The following ERGIC1 variants were observed in gnomAD, a reference collection of about 807,000 sequenced individuals.
ERGIC1 encodes endoplasmic reticulum-golgi intermediate compartment 1, also known as endoplasmic reticulum-Golgi intermediate compartment protein 1.
ERGIC1 carries 19 observed loss-of-function variants against 38.3 expected under a neutral mutation model. The observed-to-expected ratio is 0.50, with a 90% CI of 0.35 to 0.73. The LOEUF is 0.73. ERGIC1 is among the 30% of genes least tolerant of loss of function. ERGIC1 has a pLI of 0.01. For missense variants in ERGIC1, 294 were observed against 389.2 expected (o/e 0.76, Z 2.06); for synonymous variants, 124 against 157.6 (o/e 0.79, Z 1.60).
At chr5:172,903,201 A>C (rs1762929364) in intron 3 of ERGIC1, among the ~76,000 whole-genome samples, 1 of 152,152 alleles carries the variant, frequency 6.6e-6, no homozygotes, top group South Asian at 2.1e-4. Context: ...TTGTGAGCAC[A>C]CGCTCTGTGC....
At position 172,887,607 on chromosome 5, in the gene ERGIC1, A is replaced by G. The variant is rs141122686; in HGVS notation, c.21-1092A>G. Among the ~76,000 whole-genome samples the G allele has an allele frequency of 9.8e-5, 15 of 152,312 alleles. No homozygotes were observed. The East Asian group carries it at 2.5e-3, about 25-fold the overall frequency. On this transcript the variant is annotated intron_variant, in intron 1 of 9. Transcript: ENST00000393784. ...CTGATTCCAGGGTCTTAACTCTTAA[A>G]TAGCTGAAGCAGAGCCAGAATTAAA...
chr5:172,943,938 A>C (rs1310027962), intron 9 of ERGIC1, among the ~76,000 whole-genome samples: 1 of 152,192 alleles, frequency 6.6e-6, no homozygotes. Flanking sequence ...AGGGAAACAC[A>C]CACGCACCCC....
At chr5:172,925,189 TATC>T (rs1389629231) in intron 6 of ERGIC1, among the ~76,000 whole-genome samples, 2 of 151,866 alleles carry the variant, frequency 1.3e-5, no homozygotes, top group Non-Finnish European at 2.9e-5. Context: ...AGTGAGCTGG[TATC>T]ATGCCACTGC....
chr5:172,848,456 T>C (rs926704637), intron 1 of ERGIC1, among the ~76,000 whole-genome samples: 4 of 152,212 alleles, frequency 2.6e-5, no homozygotes, highest in Admixed American at 1.3e-4. Flanking sequence ...GACTGCCTCT[T>C]CAACCTAACT....
chr5:172,854,392 A>G (rs1413709212), intron 1 of ERGIC1, among the ~76,000 whole-genome samples: 1 of 152,234 alleles, frequency 6.6e-6, no homozygotes, highest in Non-Finnish European at 1.5e-5. Flanking sequence ...AACAACAAAA[A>G]AAGAAACTAC....
At chr5:172,895,614 G>T (rs1015179142) in intron 2 of ERGIC1, among the ~76,000 whole-genome samples, 9 of 152,100 alleles carry the variant, frequency 5.9e-5, no homozygotes, top group African/African-American at 1.7e-4. Context: ...CCGATAAAAT[G>T]TGGGACATGT....
intron 1 of ERGIC1, among the ~76,000 whole-genome samples, chr5:172,870,769 C>A (rs1374932641): frequency 6.6e-6 from 1 of 152,192 alleles, no homozygotes; most frequent in Non-Finnish European, 1.5e-5. Flanking sequence ...TTCCTCCCCG[C>A]CTGCCTGCCT....
chr5:172,946,219 C>G lies in ERGIC1; in HGVS notation c.766-4490C>G, dbSNP rs1023344096. Among the ~76,000 whole-genome samples, 9 of 152,328 alleles carry G rather than the reference C, an allele frequency of 5.9e-5. 1 individual carries two copies. The highest frequency in any genetic ancestry group is 2.2e-4 in the African/African-American group (9 of 41,580). ...TGGACTCCCCTGGAGAGGCCCAGCTCTCCTCGCTCCTCTGTGTGAACAGCA... is the reference window on the plus strand; with the variant it reads ...TGGACTCCCCTGGAGAGGCCCAGCTGTCCTCGCTCCTCTGTGTGAACAGCA... On this transcript the variant is annotated intron_variant, in intron 9 of 9. Coordinates refer to ENST00000393784, the MANE Select transcript of ERGIC1 (RefSeq NM_001031711.3).
At chr5:172,843,669 C>T (rs899751733) in intron 1 of ERGIC1, among the ~76,000 whole-genome samples, 1 of 152,186 alleles carries the variant, frequency 6.6e-6, no homozygotes, top group African/African-American at 2.4e-5. Context: ...GAATGGTCTT[C>T]GCCCTTGCAA....
Position 172,888,755 on chromosome 5 carries a change from C to T in ERGIC1, c.77C>T (p.Ala26Val). The T allele has an allele frequency of 6.2e-7, 1 of 1,614,072 alleles. No individual in the cohort carries two copies. Among genetic ancestry groups the T allele is most frequent in the Non-Finnish European group, 8.5e-7 (1 of 1,179,948 alleles). ...CTTACGCAGCCAACGTACACCGGGG[C>T]CATTAGTGAGTAGCCAACCTCTGGC... ...KDLTQPTYTG[A>V]IISICCCLFI... Residue 26 changes from alanine (A) to valine (V), a missense_variant, in exon 2 of 10, where the codon GCC becomes GTC. By Grantham distance (64) the Ala-to-Val change is moderately conservative. Around this residue, in one of 3 missense-constraint regions of ERGIC1, gnomAD observed 163 missense variants for 225.8 expected, o/e 0.72. Transcript: ENST00000393784.
chr5:172,857,577 C>T (rs1018404153), intron 1 of ERGIC1, among the ~76,000 whole-genome samples: 4 of 142,178 alleles, frequency 2.8e-5, no homozygotes, highest in Non-Finnish European at 6.2e-5. Flanking sequence ...TAACAATGGG[C>T]TAATAATGGT....
intron 9 of ERGIC1, among the ~76,000 whole-genome samples, chr5:172,948,609 C>T (rs900403808): frequency 6.6e-6 from 1 of 152,220 alleles, no homozygotes; most frequent in African/African-American, 2.4e-5. Context: ...CCTCTCTGTA[C>T]CCCATGGGTA....
At chr5:172,849,882 A>G (rs2113027411) in intron 1 of ERGIC1, among the ~76,000 whole-genome samples, 1 of 152,344 alleles carries the variant, frequency 6.6e-6, no homozygotes, top group South Asian at 2.1e-4. Context: ...AGTAGAAGTA[A>G]AAACATTCAC....
intron 1 of ERGIC1, among the ~76,000 whole-genome samples, chr5:172,843,133 GA>G (rs888381069): frequency 6.6e-5 from 10 of 152,196 alleles, no homozygotes; most frequent in Admixed American, 6.5e-5. Context: ...GTGACAGAGT[GA>G]AACTCCGTCT....
At position 172,835,358 on chromosome 5, in the gene ERGIC1, C is replaced by T. The variant is rs571898442; in HGVS notation, c.20+925C>T. Reference sequence around the variant, plus strand: ...GGGCAAAGGCTCTGGGTTCAGAACTCCCTGTCGCCGCTCGGCTGGCTGACC... The same window carrying T: ...GGGCAAAGGCTCTGGGTTCAGAACTTCCTGTCGCCGCTCGGCTGGCTGACC... On this transcript the variant is annotated intron_variant, in intron 1 of 9. Transcript: ENST00000393784. Among the ~76,000 whole-genome samples, 5 of 152,314 alleles carry T rather than the reference C, an allele frequency of 3.3e-5. No individual in the cohort carries two copies. In the South Asian group the frequency reaches 1.0e-3, roughly 32 times the overall value.
intron 4 of ERGIC1, among the ~76,000 whole-genome samples, chr5:172,911,942 C>G (rs566540791): frequency 1.2e-4 from 19 of 152,100 alleles, no homozygotes; most frequent in Non-Finnish European, 2.2e-4. Flanking sequence ...GGTGGGGCCC[C>G]CGTTCCCTAC....
intron 1 of ERGIC1, among the ~76,000 whole-genome samples, chr5:172,864,290 T>TTTTTG (rs1761794976): frequency 1.1e-5 from 1 of 91,558 alleles, no homozygotes; most frequent in African/African-American, 3.4e-5. Flanking sequence ...TTTTTTTTTT[T>TTTTTG]GGAGTCTTGC....
intron 1 of ERGIC1, among the ~76,000 whole-genome samples, chr5:172,861,754 C>T (rs1237962389): frequency 1.3e-5 from 2 of 152,162 alleles, no homozygotes; most frequent in African/African-American, 4.8e-5. Flanking sequence ...TATTTTTTGA[C>T]ATTGCCAGGA....
intron 1 of ERGIC1, among the ~76,000 whole-genome samples, chr5:172,865,636 C>G (rs1261304261): frequency 2.0e-5 from 3 of 152,150 alleles, no homozygotes; most frequent in African/African-American, 7.2e-5. Context: ...ACCCCCACCA[C>G]GGGGTGACCT....
Sources: allele counts gnomAD v4.1 joint callset (sites outside exome capture counted in the v4.1 genomes callset), GRCh38; gene constraint gnomAD v4.1.1; regional missense constraint gnomAD v4.1.1; transcripts MANE v1.5; gene names NCBI Gene and HGNC (gene_info 2026-07-23, HGNC 2026-07-21).